Variants in MFAP3 observed in about 807,000 individuals in gnomAD.
MFAP3 encodes the protein microfibril-associated glycoprotein 3.
MFAP3 carries 8 observed loss-of-function variants against 20.5 expected under a neutral mutation model. The observed-to-expected ratio is 0.39, with a 90% CI of 0.23 to 0.70. MFAP3 has a LOEUF of 0.70. Among genes scored for constraint, MFAP3 ranks in the 30% least tolerant of loss-of-function variants. The pLI is 0.44. For synonymous variants in MFAP3, 140 were observed against 154.0 expected (o/e 0.91, Z 0.67); for missense variants, 398 against 444.6 (o/e 0.90, Z 0.94).
In MFAP3 at chr5:154,052,983, G is replaced by T. The variant is rs767587623; in HGVS notation, c.359G>T (p.Gly120Val). 1.5e-5 allele frequency: 25 copies of T among 1,613,560 alleles called. No homozygotes were observed. In the Admixed American group the frequency reaches 4.2e-4, roughly 27 times the overall value. ...ACCAATGTAGCTTTTGATGACCGTG[G>T]GCTCTATACCTGTTTCGTCACCTCT... ...NITNVAFDDRGLYTCFVTSPI... is the reference protein window; with the variant it reads ...NITNVAFDDRVLYTCFVTSPI... The change falls in exon 3 of 3, where the codon GGG becomes GTG. Residue 120 changes from glycine (G) to valine (V), a missense_variant. Transcript: ENST00000522782.
chr5:154,042,721 G>A (rs563360236), intron 1 of MFAP3, among the ~76,000 whole-genome samples: 18 of 152,172 alleles, frequency 1.2e-4, no homozygotes, highest in South Asian at 6.2e-4. Context: ...GAACTGGTCC[G>A]TTTTCCAAGT....
rs1273882135 is a variant in MFAP3, at chr5:154,055,789, G to A, written c.*2076G>A. Among the ~76,000 whole-genome samples, 1 of 151,720 alleles carries A rather than the reference G, an allele frequency of 6.6e-6. No individual in the cohort carries two copies. The highest frequency in any genetic ancestry group is 2.1e-4 in the South Asian group (1 of 4,818). ...CCTGGCTAATTTTTTTTTATTTTTT[G>A]TAGAGATGGGGGTCTCACTTTGTTG... On this transcript the variant is annotated 3_prime_UTR_variant, in exon 3 of 3. Transcript: ENST00000522782.
At chr5:154,048,639 A>G (rs762175119) in intron 1 of MFAP3, among the ~76,000 whole-genome samples, 16 of 152,248 alleles carry the variant, frequency 1.1e-4, no homozygotes, top group South Asian at 8.3e-4. Flanking sequence ...AATTACCAGG[A>G]AGGTGATCAT....
chr5:154,056,462 C>A lies in MFAP3; in HGVS notation c.*2749C>A, dbSNP rs543544949. On this transcript the variant is annotated 3_prime_UTR_variant, in exon 3 of 3. Coordinates refer to ENST00000522782, the MANE Select transcript of MFAP3 (RefSeq NM_005927.5). Reference sequence around the variant, plus strand: ...TCATGTTATCTTTTTTTTAAATCAACCTTTTGAACTTCAACTACAGTCTAA... The same window carrying A: ...TCATGTTATCTTTTTTTTAAATCAAACTTTTGAACTTCAACTACAGTCTAA... Among the ~76,000 whole-genome samples the A allele has an allele frequency of 6.6e-6, 1 of 152,180 alleles. No individual in the cohort carries two copies. The highest frequency in any genetic ancestry group is 2.1e-4 in the South Asian group (1 of 4,818).
intron 2 of MFAP3, among the ~76,000 whole-genome samples, chr5:154,051,199 T>G (rs112880384): frequency 0.024 from 3,658 of 152,268 alleles, 96 homozygotes; most frequent in African/African-American, 0.06. Context: ...GGTTCCATAT[T>G]TGAACCCACT....
chr5:154,053,752 GCT>G lies in MFAP3; in HGVS notation c.*43_*44del. ...AACCCAGTACCTACAAAATCAGCTC[GCT>G]CTCAGAAAAGGAACCTGTTTCTTAG... On this transcript the variant is annotated 3_prime_UTR_variant, in exon 3 of 3. Transcript: ENST00000522782. 1 of 1,525,872 alleles carries G rather than the reference GCT, an allele frequency of 6.6e-7. No homozygotes were observed. The highest frequency in any genetic ancestry group is 8.8e-7 in the Non-Finnish European group (1 of 1,133,820). 94.5% of individuals were successfully genotyped at this position (1,525,872 alleles called of 1,614,324 possible). A position where few individuals can be genotyped will look rare whatever the true frequency, so the allele number is the denominator to read the frequency against.
chr5:154,045,593 T>G (rs890425122), intron 1 of MFAP3, among the ~76,000 whole-genome samples: 2 of 152,222 alleles, frequency 1.3e-5, no homozygotes, highest in African/African-American at 4.8e-5. Flanking sequence ...ATAGAGCTTA[T>G]TCAGTGATTA....
chr5:154,050,533 C>T (rs999243140), intron 2 of MFAP3, among the ~76,000 whole-genome samples: 19 of 150,268 alleles, frequency 1.3e-4, no homozygotes, highest in Non-Finnish European at 2.4e-4. Context: ...AAATGAGTAT[C>T]AATCTGTGCA....
chr5:154,053,610 C>T lies in MFAP3; in HGVS notation c.986C>T (p.Thr329Ile). Residue 329 changes from threonine (T) to isoleucine (I), a missense_variant, in exon 3 of 3, where the codon ACA becomes ATA. Transcript: ENST00000522782. ...CAGTCAGAAACCAAAAGTATTGATA[C>T]AGAGTCTCAAGGCAGCAGTCATTTC... Reference protein sequence around the residue: ...HLQSETKSIDTESQGSSHFSP... With the variant: ...HLQSETKSIDIESQGSSHFSP... 6.2e-7 allele frequency: 1 copy of T among 1,613,934 alleles called. No homozygotes were observed. Among genetic ancestry groups the T allele is most frequent in the Non-Finnish European group, 8.5e-7 (1 of 1,179,912 alleles).
intron 1 of MFAP3, among the ~76,000 whole-genome samples, chr5:154,045,597 G>C (rs1452968533): frequency 6.6e-6 from 1 of 152,100 alleles, no homozygotes; most frequent in East Asian, 1.9e-4. Context: ...AGCTTATTCA[G>C]TGATTACCAT....
chr5:154,039,185 T>TA (rs1772829984), intron 1 of MFAP3, 174 bp downstream of exon 1: 1 of 152,224 alleles, frequency 6.6e-6, no homozygotes, highest in Admixed American at 6.5e-5. Context: ...GAGAGCCAGA[T>TA]ACCTGCCAGG....
Position 154,049,712 on chromosome 5 carries a change from C to T in MFAP3, c.-11C>T. On this transcript the variant is annotated 5_prime_UTR_variant, in exon 2 of 3. Transcript: ENST00000522782. ...TCTCCAAATCTAAACAAGATTTTGT[C>T]CCATTTTCCCATGAAGCTACATTGT... The T allele has an allele frequency of 1.2e-6, 2 of 1,603,932 alleles. No homozygotes were observed. The highest frequency in any genetic ancestry group is 1.7e-6 in the Non-Finnish European group (2 of 1,173,806).
Position 154,053,345 on chromosome 5 carries a change from C to G in MFAP3, c.721C>G (p.Leu241Val), listed in dbSNP as rs931162914. The change falls in exon 3 of 3, where the codon CTT becomes GTT. Residue 241 changes from leucine to valine, a missense_variant. By Grantham distance (32) the Leu-to-Val change is conservative. Transcript: ENST00000522782. Reference protein sequence around the residue: ...YIEELARSVPLPPLILNCRAF... With the variant: ...YIEELARSVPVPPLILNCRAF... ...TGAAGAACTGGCAAGAAGTGTCCCT[C>G]TTCCACCTCTTATTCTAAACTGTCG... The G allele has an allele frequency of 1.2e-6, 2 of 1,613,950 alleles. No individual in the cohort carries two copies. Among genetic ancestry groups the G allele is most frequent in the African/African-American group, 2.7e-5 (2 of 74,902 alleles).
chr5:154,044,585 T>C (rs1032154318), intron 1 of MFAP3, among the ~76,000 whole-genome samples: 1 of 152,240 alleles, frequency 6.6e-6, no homozygotes, highest in Non-Finnish European at 1.5e-5. Context: ...TCAAAATCAG[T>C]GTGCCAGGTT....
chr5:154,045,641 T>C (rs816036), intron 1 of MFAP3, among the ~76,000 whole-genome samples: 93,187 of 152,040 alleles, frequency 0.61, 29,107 homozygotes, highest in East Asian at 0.88. Context: ...TACTACCTCA[T>C]TCAGACTTTG....
chr5:154,045,452 A>G (rs1440478438), intron 1 of MFAP3, among the ~76,000 whole-genome samples: 1 of 152,210 alleles, frequency 6.6e-6, no homozygotes, highest in Non-Finnish European at 1.5e-5. Context: ...TTAAAACTGC[A>G]TAATGGTGTC....
chr5:154,049,533 A>C, intron 1 of MFAP3, 24 bp from the exon 2 acceptor site: 1 of 590,710 alleles, frequency 1.7e-6, no homozygotes, highest in South Asian at 2.1e-5. Flanking sequence ...AGTTGGTTAA[A>C]CTTTGTATCT....
At chr5:154,049,449 A>G (rs754484378) in intron 1 of MFAP3, 108 bp from the exon 2 acceptor site, 10 of 355,314 alleles carry the variant, frequency 2.8e-5, no homozygotes, top group East Asian at 1.2e-4. Context: ...TTACTCCCCA[A>G]TGTCAGCACC....
In MFAP3 at chr5:154,054,382, T is replaced by TA. The variant is rs1475992212; in HGVS notation, c.*671dup. 6.0e-6 allele frequency: 1 copy of TA among 166,992 alleles called. No individual in the cohort carries two copies. The highest frequency in any genetic ancestry group is 1.5e-5 in the Non-Finnish European group (1 of 68,122). The allele number at this position is 166,992 out of a possible 1,614,324, so 10.3% of individuals were successfully genotyped here. A position where few individuals can be genotyped will look rare whatever the true frequency, so the allele number is the denominator to read the frequency against. On this transcript the variant is annotated 3_prime_UTR_variant, in exon 3 of 3. Transcript: ENST00000522782. ...TAGGGTTATACAGATGTCAGAGAGC[T>TA]AACTGCTCTGTAAACTACTTTCCAT...
Sources: allele counts gnomAD v4.1 joint callset (sites outside exome capture counted in the v4.1 genomes callset), GRCh38; gene constraint gnomAD v4.1.1; transcripts MANE v1.5; gene names NCBI Gene and HGNC (gene_info 2026-07-23, HGNC 2026-07-21).